ENOSF1: variants seen among roughly 807,000 people sequenced by gnomAD.
ENOSF1 encodes the protein enolase superfamily member 1, also known as mitochondrial enolase superfamily member 1.
ENOSF1 carries 73 observed loss-of-function variants against 68.2 expected under a neutral mutation model. The observed-to-expected ratio is 1.07, with a 90% CI of 0.89 to 1.30. ENOSF1 has a LOEUF of 1.30. Ranked by LOEUF, ENOSF1 falls within the 50% of genes most tolerant of loss-of-function variation. The pLI, the probability that ENOSF1 is intolerant of heterozygous loss-of-function variation, is 0.00. For missense variants in ENOSF1, 589 were observed against 554.5 expected (o/e 1.06, Z -0.62); for synonymous variants, 223 against 210.4 (o/e 1.06, Z -0.52).
chr18:709,047 A>T (rs1468465771), intron 1 of ENOSF1, among the ~76,000 whole-genome samples: 1 of 152,220 alleles, frequency 6.6e-6, no homozygotes, highest in Non-Finnish European at 1.5e-5. Context: ...TAGCGGAATG[A>T]TCCAACATGG....
At chr18:704,612 C>T (rs2741164) in intron 2 of ENOSF1, among the ~76,000 whole-genome samples, 80,828 of 137,472 alleles carry the variant, frequency 0.59, 23,540 homozygotes, top group African/African-American at 0.68. Context: ...TATCTTTTTT[C>T]TTTTTTTTTT....
intron 1 of ENOSF1, among the ~76,000 whole-genome samples, chr18:711,587 G>C (rs896111175): frequency 4.6e-5 from 7 of 152,182 alleles, no homozygotes; most frequent in African/African-American, 1.7e-4. Context: ...TGGGGAACAG[G>C]CTCCCTGAAA....
At chr18:687,732 G>A (rs920357141) in intron 9 of ENOSF1, 1 of 152,690 alleles carries the variant, frequency 6.5e-6, no homozygotes, top group African/African-American at 2.4e-5. Flanking sequence ...AGAGTCAGAA[G>A]GGAGAAGTGC....
At chr18:684,870 T>A (rs1321087530) in intron 10 of ENOSF1, among the ~76,000 whole-genome samples, 2 of 152,120 alleles carry the variant, frequency 1.3e-5, no homozygotes, top group Non-Finnish European at 2.9e-5. Context: ...ATGGATTTTT[T>A]TTTTTTAAGA....
chr18:669,314 A>C, downstream of ENOSF1: 1 of 614,386 alleles, frequency 1.6e-6, no homozygotes, highest in Non-Finnish European at 2.8e-6. Flanking sequence ...ACGTTGGGCA[A>C]GTCACATTTT....
intron 10 of ENOSF1, 84 bp downstream of exon 10, chr18:685,837 C>T: frequency 2.7e-6 from 3 of 1,123,052 alleles, no homozygotes; most frequent in South Asian, 2.5e-5. Context: ...TTTTTAAATT[C>T]CCAATGTTCT....
downstream of ENOSF1, among the ~76,000 whole-genome samples, chr18:667,452 GGT>G (rs1491446735): frequency 8.9e-3 from 10 of 1,120 alleles, 3 homozygotes; most frequent in Admixed American, 0.023. Flanking sequence ...TGATGGTGAT[GGT>G]GATGATGGAG....
chr18:684,127 G>A lies in ENOSF1; in HGVS notation c.742-747C>T, dbSNP rs185846949. Among the ~76,000 whole-genome samples the A allele has an allele frequency of 1.9e-3, 286 of 151,900 alleles. 1 individual carries two copies. The highest frequency in any genetic ancestry group is 3.1e-3 in the Non-Finnish European group (209 of 67,950). On this transcript the variant is annotated intron_variant, in intron 10 of 15. Coordinates refer to ENST00000647584, the MANE Select transcript of ENOSF1 (RefSeq NM_017512.7). ...TCCTGCCTCAGCCTCCCGAGTAGCT[G>A]GGACTACAGGCGCCCACCACCACAC...
intron 5 of ENOSF1, chr18:693,430 C>T (rs1318293979): frequency 1.0e-6 from 1 of 983,620 alleles, no homozygotes; most frequent in African/African-American, 1.7e-5. Context: ...ATCCTCCAGC[C>T]TTCCAAAGTA....
intron 8 of ENOSF1, among the ~76,000 whole-genome samples, chr18:689,447 A>AT (rs1384017023): frequency 6.6e-6 from 1 of 151,826 alleles, no homozygotes; most frequent in Admixed American, 6.6e-5. Flanking sequence ...CGCCCAGATA[A>AT]TTTTTTGTAT....
At chr18:692,642 T>C (rs887838927) in intron 5 of ENOSF1, 20 of 781,080 alleles carry the variant, frequency 2.6e-5, no homozygotes, top group Non-Finnish European at 2.9e-5. Flanking sequence ...AAGAAAAGAG[T>C]ACTGGCATTG....
At chr18:663,427 G>C in the ENOSF1 span, among the ~76,000 whole-genome samples, 1 of 101,646 alleles carries the variant, frequency 9.8e-6, no homozygotes, top group Non-Finnish European at 1.9e-5. Flanking sequence ...CTCTTTGTCA[G>C]ATGAGTAGGT....
intron 8 of ENOSF1, among the ~76,000 whole-genome samples, chr18:689,360 A>C (rs1352961726): frequency 6.6e-6 from 1 of 152,110 alleles, no homozygotes. Context: ...GGCTCATTGC[A>C]ACCCCTGCCT....
chr18:692,863 C>G, intron 5 of ENOSF1: 1 of 1,093,626 alleles, frequency 9.1e-7, no homozygotes, highest in Non-Finnish European at 1.1e-6. Context: ...TGACAGCCTC[C>G]TGTCTTCACT....
chr18:667,992 A>ATTTTTT (rs60409589), downstream of ENOSF1, among the ~76,000 whole-genome samples: 78 of 105,366 alleles, frequency 7.4e-4, 3 homozygotes, highest in African/African-American at 2.8e-3. Flanking sequence ...ATTCACAGGA[A>ATTTTTT]TTTTTTTTTT....
At chr18:697,416 T>C (rs2077854514) in intron 2 of ENOSF1, 61 bp from the exon 3 acceptor site, 1 of 1,200,644 alleles carries the variant, frequency 8.3e-7, no homozygotes, top group Non-Finnish European at 1.2e-6. Flanking sequence ...AATTAGCACC[T>C]GAAAACATCA....
chr18:692,965 G>T, intron 5 of ENOSF1: 1 of 1,173,716 alleles, frequency 8.5e-7, no homozygotes, highest in Non-Finnish European at 1.1e-6. Context: ...CTAATAACAA[G>T]GGCCTTCATT....
At chr18:674,886 A>G (rs1159906778) in intron 15 of ENOSF1, among the ~76,000 whole-genome samples, 1 of 152,254 alleles carries the variant, frequency 6.6e-6, no homozygotes, top group East Asian at 1.9e-4. Flanking sequence ...AACATATTTT[A>G]CTGGCTACTT....
At chr18:683,537 A>C (rs913787947) in intron 10 of ENOSF1, 157 bp from the exon 11 acceptor site, 11 of 757,350 alleles carry the variant, frequency 1.5e-5, no homozygotes, top group Middle Eastern at 4.0e-4. Context: ...CCCTAACAAA[A>C]AGAGCCAGAG....
Sources: allele counts gnomAD v4.1 joint callset (sites outside exome capture counted in the v4.1 genomes callset), GRCh38; gene constraint gnomAD v4.1.1; transcripts MANE v1.5; gene names NCBI Gene and HGNC (gene_info 2026-07-23, HGNC 2026-07-21).